The following ATF6 variants were observed in gnomAD, a reference collection of about 807,000 sequenced individuals.
The protein encoded by ATF6 is cyclic AMP-dependent transcription factor ATF-6 alpha.
A neutral mutation model predicts 83.6 loss-of-function variants in ATF6; 53 were observed. The observed-to-expected ratio is 0.63, with a 90% CI of 0.51 to 0.80. The LOEUF is 0.80. ATF6 is among the 30% of genes least tolerant of loss of function. The pLI is 0.00. For synonymous variants in ATF6, 288 were observed against 285.8 expected (o/e 1.01, Z -0.08); for missense variants, 744 against 797.9 (o/e 0.93, Z 0.81).
At chr1:161,943,866 ATACTGTG>A (rs1688698113) in intron 15 of ATF6, among the ~76,000 whole-genome samples, 1 of 152,176 alleles carries the variant, frequency 6.6e-6, no homozygotes. Context: ...ATTTTCAAAC[ATACTGTG>A]TATTTACTTA....
intron 9 of ATF6, among the ~76,000 whole-genome samples, chr1:161,832,561 A>G (rs1351728620): frequency 6.6e-6 from 1 of 152,320 alleles, no homozygotes; most frequent in Non-Finnish European, 1.5e-5. Flanking sequence ...CCACCCTAAT[A>G]CTGTGCTCTT....
Position 161,766,365 on chromosome 1 carries a change from G to C in ATF6, c.5G>C (p.Gly2Ala), listed in dbSNP as rs1684259389. ...CAGGGAGAAGGAACTTGTGAAATGG[G>C]GGAGCCGGCTGGGGTTGCCGGCACC... M[G>A]EPAGVAGTME... The change falls in exon 1 of 16, where the codon GGG becomes GCG. Residue 2 changes from glycine to alanine, a missense_variant. Coordinates refer to ENST00000367942, the MANE Select transcript of ATF6 (RefSeq NM_007348.4). The C allele has an allele frequency of 3.1e-6, 5 of 1,612,688 alleles. No homozygotes were observed. The highest frequency in any genetic ancestry group is 2.7e-5 in the African/African-American group (2 of 74,896).
At chr1:161,917,546 G>A (rs6699916) in intron 15 of ATF6, among the ~76,000 whole-genome samples, 82,017 of 151,490 alleles carry the variant, frequency 0.54, 23,095 homozygotes, top group African/African-American at 0.7. Flanking sequence ...TCAGCCTCCC[G>A]AGTAGCTGGG....
chr1:161,894,660 CG>C (rs1360192662), intron 14 of ATF6, among the ~76,000 whole-genome samples: 2 of 146,774 alleles, frequency 1.4e-5, no homozygotes, highest in African/African-American at 5.0e-5. Flanking sequence ...CTCAGCCTCC[CG>C]AGTAGCTGGG....
Position 161,868,193 on chromosome 1 carries a change from C to T in ATF6, c.1719+4881C>T, listed in dbSNP as rs183266496. 1.6e-3 allele frequency among the ~76,000 whole-genome samples: 236 copies of T among 152,242 alleles called. 3 individuals carry two copies. The highest frequency in any genetic ancestry group is 1.9e-3 in the Non-Finnish European group (126 of 68,018). On this transcript the variant is annotated intron_variant, in intron 14 of 15. Coordinates refer to ENST00000367942, the MANE Select transcript of ATF6 (RefSeq NM_007348.4). ...TTTTACACTTTACTGATTCATACTC[C>T]TCAAACACAAAGATCTGATTGGGTA...
At chr1:161,886,478 G>A (rs990196005) in intron 14 of ATF6, among the ~76,000 whole-genome samples, 1 of 152,232 alleles carries the variant, frequency 6.6e-6, no homozygotes, top group South Asian at 2.1e-4. Context: ...TTGTACAAAC[G>A]TCATAGAGTA....
At chr1:161,786,635 C>A (rs7528605) in intron 4 of ATF6, among the ~76,000 whole-genome samples, 18 of 152,276 alleles carry the variant, frequency 1.2e-4, no homozygotes, top group South Asian at 2.1e-4. Context: ...TTGTGAGTAC[C>A]TTGCAAATAA....
chr1:161,801,408 C>G (rs1685145973), intron 6 of ATF6, among the ~76,000 whole-genome samples: 1 of 133,374 alleles, frequency 7.5e-6, no homozygotes, highest in African/African-American at 2.9e-5. Flanking sequence ...CTGCCTGCCT[C>G]AGCCTCCTGA....
chr1:161,867,095 C>A (rs1687020908), intron 14 of ATF6, among the ~76,000 whole-genome samples: 1 of 152,088 alleles, frequency 6.6e-6, no homozygotes, highest in Non-Finnish European at 1.5e-5. Context: ...GAGATTGAGA[C>A]CATCCTGGCT....
chr1:161,949,231 C>T (rs1372887398), intron 15 of ATF6, among the ~76,000 whole-genome samples: 1 of 152,194 alleles, frequency 6.6e-6, no homozygotes, highest in Non-Finnish European at 1.5e-5. Context: ...CTCATTCATT[C>T]GTTTATTCCA....
chr1:161,831,248 C>T (rs1439283887), intron 9 of ATF6, among the ~76,000 whole-genome samples: 1 of 152,170 alleles, frequency 6.6e-6, no homozygotes, highest in Non-Finnish European at 1.5e-5. Context: ...CAATGAGATA[C>T]CATCTCACAC....
Position 161,782,533 on chromosome 1 carries a change from C to T in ATF6, c.247+534C>T, listed in dbSNP as rs572575431. On this transcript the variant is annotated intron_variant, in intron 3 of 15. Transcript: ENST00000367942. The stretch of plus-strand genomic sequence containing the variant: ...GGTAGAATGAAGAAAAATCCCTTCT[C>T]CTCCCTTCTAGCTTTTTCTAGTATC... 1.0e-3 allele frequency among the ~76,000 whole-genome samples: 157 copies of T among 152,290 alleles called. 1 individual carries two copies. Among genetic ancestry groups the T allele is most frequent in the African/African-American group, 3.6e-3 (149 of 41,552 alleles).
At chr1:161,922,720 C>G (rs1229691354) in intron 15 of ATF6, among the ~76,000 whole-genome samples, 1 of 151,514 alleles carries the variant, frequency 6.6e-6, no homozygotes, top group Non-Finnish European at 1.5e-5. Flanking sequence ...GAGCAGAGGC[C>G]CTGAGGCTGG....
At position 161,781,989 on chromosome 1, in the gene ATF6, A is replaced by G. The variant is rs749575306; in HGVS notation, c.237A>G (p.Gln79=). 4.7e-5 allele frequency: 75 copies of G among 1,602,008 alleles called. No homozygotes were observed. Among genetic ancestry groups the G allele is most frequent in the Non-Finnish European group, 6.1e-5 (71 of 1,171,554 alleles). The stretch of plus-strand genomic sequence containing the variant: ...CAGACATTTGGGACATCAACAACCA[A>G]ATCTGTACAGGTAATTATGTGTTTC... ...WESDIWDINN[Q]ICTVKDIKAE... The change falls in exon 3 of 16, where the codon CAA becomes CAG. Residue 79 remains glutamine, a synonymous_variant. Transcript: ENST00000367942.
At chr1:161,895,460 C>G (rs568489497) in intron 14 of ATF6, among the ~76,000 whole-genome samples, 15 of 152,256 alleles carry the variant, frequency 9.9e-5, no homozygotes, top group Non-Finnish European at 1.9e-4. Flanking sequence ...GCATTTAAAT[C>G]CAATCTAATA....
chr1:161,936,817 G>C (rs1688545476), intron 15 of ATF6, among the ~76,000 whole-genome samples: 1 of 152,134 alleles, frequency 6.6e-6, no homozygotes. Flanking sequence ...GATGATTCCT[G>C]TCAGTTCACA....
intron 14 of ATF6, among the ~76,000 whole-genome samples, 187 bp downstream of exon 14, chr1:161,863,499 A>G (rs963061617): frequency 6.6e-6 from 1 of 152,222 alleles, no homozygotes; most frequent in African/African-American, 2.4e-5. Context: ...TATTATAAAG[A>G]TGAACATGGA....
At chr1:161,942,582 T>G (rs1688669147) in intron 15 of ATF6, among the ~76,000 whole-genome samples, 2 of 152,232 alleles carry the variant, frequency 1.3e-5, no homozygotes, top group African/African-American at 4.8e-5. Context: ...CAATAACAAT[T>G]ACTCCCATTT....
chr1:161,920,601 G>A (rs1688194211), intron 15 of ATF6, among the ~76,000 whole-genome samples: 1 of 151,908 alleles, frequency 6.6e-6, no homozygotes, highest in Admixed American at 6.6e-5. Flanking sequence ...GCCATCAGTT[G>A]TTTTTTGTTT....
Sources: gnomAD v4.1 joint callset for allele counts (sites outside exome capture counted in the v4.1 genomes callset) on GRCh38, gnomAD v4.1.1 for gene constraint, MANE v1.5 for transcripts, NCBI Gene and HGNC (gene_info 2026-07-23, HGNC 2026-07-21) for gene names.